The following CNTNAP2 variants were observed in gnomAD, a reference collection of about 807,000 sequenced individuals.
CNTNAP2 encodes the protein contactin-associated protein-like 2.
Under a neutral mutation model 155.2 loss-of-function variants are expected in CNTNAP2, and 98 were observed. The observed-to-expected ratio is 0.63, with a 90% CI of 0.54 to 0.75. The LOEUF (loss-of-function observed/expected upper bound fraction) is 0.75, where lower values mean the gene tolerates loss of function less well. Among genes scored for constraint, CNTNAP2 ranks in the 30% least tolerant of loss-of-function variants. CNTNAP2 has a pLI of 0.00. For missense variants in CNTNAP2, 1,727 were observed against 1,688.1 expected (o/e 1.02, Z -0.40); for synonymous variants, 651 against 631.2 (o/e 1.03, Z -0.47).
intron 10 of CNTNAP2, among the ~76,000 whole-genome samples, chr7:147,414,630 A>G (rs1232965612): frequency 6.6e-6 from 1 of 152,028 alleles, no homozygotes; most frequent in African/African-American, 2.4e-5. Flanking sequence ...CAGATGCAAT[A>G]AAATTCAAAT....
At chr7:147,956,532 T>G (rs1801019032) in intron 14 of CNTNAP2, among the ~76,000 whole-genome samples, 1 of 152,186 alleles carries the variant, frequency 6.6e-6, no homozygotes, top group South Asian at 2.1e-4. Context: ...TGTTCAGCCT[T>G]CTGCCGCTGA....
At chr7:147,058,647 T>C (rs1291263253) in intron 4 of CNTNAP2, among the ~76,000 whole-genome samples, 1 of 152,090 alleles carries the variant, frequency 6.6e-6, no homozygotes, top group Non-Finnish European at 1.5e-5. Context: ...CGCTCTGTCA[T>C]CCAGGCTGGA....
At chr7:147,406,245 T>G (rs6464798) in intron 10 of CNTNAP2, among the ~76,000 whole-genome samples, 71,515 of 151,884 alleles carry the variant, frequency 0.47, 19,614 homozygotes, top group African/African-American at 0.77. Flanking sequence ...TTACATCACA[T>G]TGTTATCTGG....
chr7:146,374,000 A>G (rs193100492), intron 1 of CNTNAP2, among the ~76,000 whole-genome samples: 222 of 152,318 alleles, frequency 1.5e-3, no homozygotes, highest in African/African-American at 5.2e-3. Flanking sequence ...TTTCTGGTCC[A>G]AGGATATATT....
chr7:146,449,478 A>G (rs1639469), intron 1 of CNTNAP2, among the ~76,000 whole-genome samples: 4,200 of 152,198 alleles, frequency 0.028, 199 homozygotes, highest in African/African-American at 0.095. Flanking sequence ...TATGTCCCCA[A>G]TGAACCTATC....
At chr7:146,313,207 T>C (rs1272619901) in intron 1 of CNTNAP2, among the ~76,000 whole-genome samples, 2 of 152,226 alleles carry the variant, frequency 1.3e-5, no homozygotes, top group Admixed American at 1.3e-4. Flanking sequence ...CTCCACATCC[T>C]TGCCAATACT....
intron 1 of CNTNAP2, among the ~76,000 whole-genome samples, chr7:146,229,105 AAC>A (rs1257733152): frequency 6.6e-6 from 1 of 152,172 alleles, no homozygotes; most frequent in Non-Finnish European, 1.5e-5. Flanking sequence ...CTTAAAGAAA[AAC>A]AAAAAAGAGT....
At chr7:146,346,454 G>T (rs1156255837) in intron 1 of CNTNAP2, among the ~76,000 whole-genome samples, 2 of 152,152 alleles carry the variant, frequency 1.3e-5, no homozygotes, top group Non-Finnish European at 1.5e-5. Context: ...GGCTAAGGTG[G>T]GTGGATCATT....
intron 20 of CNTNAP2, among the ~76,000 whole-genome samples, chr7:148,233,739 C>T (rs1408303933): frequency 6.6e-6 from 1 of 152,186 alleles, no homozygotes; most frequent in Non-Finnish European, 1.5e-5. Context: ...GAAGTATGTG[C>T]CATCATTATT....
Position 148,416,281 on chromosome 7 carries a change from A to ACAACTGGAGAGAGGCATTAAAGAACC in CNTNAP2, c.*666_*691dup, listed in dbSNP as rs1799987394. 1 of 152,376 alleles carries ACAACTGGAGAGAGGCATTAAAGAACC rather than the reference A, an allele frequency of 6.6e-6. No homozygotes were observed. The highest frequency in any genetic ancestry group is 6.5e-5 in the Admixed American group (1 of 15,338). The allele number at this position is 152,376 out of a possible 1,614,324, so 9.4% of individuals were successfully genotyped here. ...CCTGGTGTGTAACGACACAATCAGC[A>ACAACTGGAGAGAGGCATTAAAGAACC]CAACTGGAGAGAGGCATTAAAGAAC... On this transcript the variant is annotated 3_prime_UTR_variant, in exon 24 of 24. Transcript: ENST00000361727.
chr7:146,513,459 G>T (rs904463011), intron 1 of CNTNAP2, among the ~76,000 whole-genome samples: 8 of 151,580 alleles, frequency 5.3e-5, no homozygotes, highest in Non-Finnish European at 7.4e-5. Flanking sequence ...TATTTTGTGT[G>T]TCTCTTATAC....
chr7:146,345,457 C>T (rs779662549), intron 1 of CNTNAP2, among the ~76,000 whole-genome samples: 4 of 152,242 alleles, frequency 2.6e-5, no homozygotes, highest in Middle Eastern at 3.4e-3. Context: ...AATCTCAATA[C>T]GCCACTCAGC....
chr7:146,933,849 A>G (rs1289032654), intron 3 of CNTNAP2, among the ~76,000 whole-genome samples: 1 of 152,198 alleles, frequency 6.6e-6, no homozygotes, highest in Non-Finnish European at 1.5e-5. Flanking sequence ...AATGCTCACC[A>G]TCACTGGCCA....
intron 12 of CNTNAP2, among the ~76,000 whole-genome samples, chr7:147,579,572 C>T (rs1785180263): frequency 6.6e-6 from 1 of 152,102 alleles, no homozygotes; most frequent in Admixed American, 6.5e-5. Context: ...TAGTTAATTA[C>T]CTTAAGAAAG....
intron 1 of CNTNAP2, among the ~76,000 whole-genome samples, chr7:146,166,749 G>A (rs1284949478): frequency 1.3e-5 from 2 of 152,140 alleles, no homozygotes; most frequent in East Asian, 3.9e-4. Context: ...AATAAGATCA[G>A]AATCGAGTTA....
chr7:146,971,617 A>G (rs1394035074), intron 3 of CNTNAP2, among the ~76,000 whole-genome samples: 2 of 152,086 alleles, frequency 1.3e-5, no homozygotes, highest in Non-Finnish European at 2.9e-5. Context: ...AGGCTTTTCT[A>G]GGGAGGGTCC....
intron 9 of CNTNAP2, among the ~76,000 whole-genome samples, chr7:147,347,441 CAT>C (rs375359219): frequency 3.7e-3 from 211 of 56,530 alleles, no homozygotes; most frequent in East Asian, 0.034. Context: ...TATATATATG[CAT>C]ATATATATAT....
At chr7:147,049,437 G>A (rs1015070288) in intron 4 of CNTNAP2, among the ~76,000 whole-genome samples, 2 of 152,096 alleles carry the variant, frequency 1.3e-5, no homozygotes, top group Non-Finnish European at 1.5e-5. Flanking sequence ...AAACTAGAAT[G>A]AGTCCTTAGA....
intron 1 of CNTNAP2, among the ~76,000 whole-genome samples, chr7:146,735,538 G>C (rs574377565): frequency 6.6e-6 from 1 of 152,050 alleles, no homozygotes; most frequent in East Asian, 1.9e-4. Flanking sequence ...CTGGGCAACA[G>C]AGCAAGACTC....
Sources: allele counts gnomAD v4.1 joint callset (sites outside exome capture counted in the v4.1 genomes callset), GRCh38; gene constraint gnomAD v4.1.1; transcripts MANE v1.5; gene names NCBI Gene and HGNC (gene_info 2026-07-23, HGNC 2026-07-21).